Variants in ACTR3C observed in about 807,000 individuals in gnomAD.
The protein encoded by ACTR3C is actin related protein 3C, also known as actin-related protein 3C.
A neutral mutation model predicts 26.3 loss-of-function variants in ACTR3C; 18 were observed. The ratio of observed to expected loss-of-function variants is 0.68; its 90% CI spans 0.47 to 1.01. The LOEUF is 1.01. ACTR3C is among the 50% of genes least tolerant of loss of function. The pLI is 0.00. For missense variants in ACTR3C, 184 were observed against 250.7 expected (o/e 0.73, Z 1.80); for synonymous variants, 55 against 94.5 (o/e 0.58, Z 2.42).
chr7:150,300,427 T>C (rs1292101161), intron 1 of ACTR3C, among the ~76,000 whole-genome samples: 1 of 152,082 alleles, frequency 6.6e-6, no homozygotes, highest in African/African-American at 2.4e-5. Flanking sequence ...CAATCACCCC[T>C]GGAACATGAA....
At chr7:150,028,786 C>G in the ACTR3C span, among the ~76,000 whole-genome samples, 1 of 152,286 alleles carries the variant, frequency 6.6e-6, no homozygotes. Flanking sequence ...CCTGCCAAAG[C>G]CACCCTCCCT....
chr7:150,241,448 C>T (rs2533236), downstream of ACTR3C, among the ~76,000 whole-genome samples: 16,909 of 151,960 alleles, frequency 0.11, 1,656 homozygotes, highest in African/African-American at 0.24. Context: ...TGGGACAACT[C>T]GATATCCACA....
chr7:150,215,405 A>G, the ACTR3C span, among the ~76,000 whole-genome samples: 1 of 152,140 alleles, frequency 6.6e-6, no homozygotes, highest in Non-Finnish European at 1.5e-5. Flanking sequence ...TTCTTGCCAC[A>G]TTCTAGGAGC....
At chr7:150,023,459 G>A in the ACTR3C span, among the ~76,000 whole-genome samples, 11 of 150,982 alleles carry the variant, frequency 7.3e-5, no homozygotes, top group African/African-American at 1.2e-4. Context: ...TCAGCCTCCC[G>A]AGTAGCTGGG....
chr7:150,281,741 A>G (rs1417639373), intron 6 of ACTR3C, among the ~76,000 whole-genome samples: 1 of 152,144 alleles, frequency 6.6e-6, no homozygotes, highest in African/African-American at 2.4e-5. Context: ...TATTAGAATG[A>G]GGCTTCCATA....
At chr7:150,174,955 A>T in the ACTR3C span, among the ~76,000 whole-genome samples, 1 of 145,950 alleles carries the variant, frequency 6.9e-6, no homozygotes, top group South Asian at 2.1e-4. Flanking sequence ...CCTAATTCCC[A>T]TCTAAGTCCT....
chr7:150,124,962 T>C, the ACTR3C span, among the ~76,000 whole-genome samples: 1,210 of 152,324 alleles, frequency 7.9e-3, 22 homozygotes, highest in African/African-American at 0.028. Flanking sequence ...ATAAGTTGCC[T>C]CCGACCTCAC....
the ACTR3C span, among the ~76,000 whole-genome samples, chr7:149,982,211 T>C: frequency 0.15 from 23,231 of 151,910 alleles, 3,474 homozygotes; most frequent in African/African-American, 0.39. Context: ...TGCTGCTGGG[T>C]GCCTGGGAGT....
intron 4 of ACTR3C, among the ~76,000 whole-genome samples, chr7:150,286,917 C>T (rs1044154770): frequency 3.3e-5 from 5 of 152,044 alleles, no homozygotes; most frequent in African/African-American, 1.2e-4. Context: ...CCACACTGGA[C>T]CAGTGGACCC....
the ACTR3C span, among the ~76,000 whole-genome samples, chr7:150,049,040 C>T: frequency 3.4e-4 from 52 of 152,190 alleles, no homozygotes; most frequent in African/African-American, 1.2e-3. Flanking sequence ...AAAGCCTGCG[C>T]CTCACTGTGC....
the ACTR3C span, among the ~76,000 whole-genome samples, chr7:149,946,727 T>C: frequency 6.6e-6 from 1 of 152,194 alleles, no homozygotes; most frequent in African/African-American, 2.4e-5. Flanking sequence ...AATGGCACAT[T>C]CTTTTTTTCT....
At chr7:150,105,278 T>A in the ACTR3C span, among the ~76,000 whole-genome samples, 1 of 151,874 alleles carries the variant, frequency 6.6e-6, no homozygotes, top group South Asian at 2.1e-4. Context: ...GAGACGGGGT[T>A]TCACCGTGTT....
the ACTR3C span, among the ~76,000 whole-genome samples, chr7:150,020,311 T>G: frequency 1.3e-5 from 2 of 152,110 alleles, no homozygotes; most frequent in Admixed American, 6.5e-5. Context: ...CTTTAAGTAT[T>G]GAAATTATTT....
chr7:150,121,860 G>A, the ACTR3C span, among the ~76,000 whole-genome samples: 9 of 152,114 alleles, frequency 5.9e-5, no homozygotes, highest in African/African-American at 2.2e-4. Flanking sequence ...AAAACAGCAC[G>A]GTACTGTTAG....
At chr7:150,226,380 TG>T in the ACTR3C span, among the ~76,000 whole-genome samples, 1 of 152,318 alleles carries the variant, frequency 6.6e-6, no homozygotes, top group Non-Finnish European at 1.5e-5. Context: ...AGTTTGTTTT[TG>T]TATTTTTGCC....
At chr7:150,078,843 G>C in the ACTR3C span, among the ~76,000 whole-genome samples, 1 of 152,194 alleles carries the variant, frequency 6.6e-6, no homozygotes, top group African/African-American at 2.4e-5. Flanking sequence ...AAACAGGGAG[G>C]CTTAGAGTCC....
chr7:150,305,766 C>T (rs1256729581), intron 1 of ACTR3C, among the ~76,000 whole-genome samples: 29 of 152,204 alleles, frequency 1.9e-4, no homozygotes, highest in Non-Finnish European at 2.9e-5. Context: ...TAAGCTGAGT[C>T]TCTGCACCTC....
Position 150,294,539 on chromosome 7 carries a change from T to A in ACTR3C, c.45+713A>T, listed in dbSNP as rs561938391. 3.3e-5 allele frequency among the ~76,000 whole-genome samples: 5 copies of A among 152,344 alleles called. No homozygotes were observed. The East Asian group carries it at 7.7e-4, about 23-fold the overall frequency. On this transcript the variant is annotated intron_variant, in intron 2 of 7. Transcript: ENST00000683684. The stretch of plus-strand genomic sequence containing the variant: ...TTAAATGAATTTGGAAGTGCTAGAA[T>A]ACATAGATTTCGACACAGGAATGCT...
chr7:150,239,628 G>C (rs1832073208), downstream of ACTR3C, among the ~76,000 whole-genome samples: 1 of 145,608 alleles, frequency 6.9e-6, no homozygotes. Flanking sequence ...TTTGAAAAAA[G>C]TCATTGAGGC....
Sources: allele counts gnomAD v4.1 joint callset (sites outside exome capture counted in the v4.1 genomes callset), GRCh38; gene constraint gnomAD v4.1.1; transcripts MANE v1.5; gene names NCBI Gene and HGNC (gene_info 2026-07-23, HGNC 2026-07-21).